Variants in ENTPD1 observed in about 807,000 individuals in gnomAD.
ENTPD1 encodes ectonucleoside triphosphate diphosphohydrolase 1.
ENTPD1 carries 33 observed loss-of-function variants against 57.0 expected under a neutral mutation model. That is an observed-to-expected ratio of 0.58 (90% CI 0.44 to 0.77). ENTPD1 has a LOEUF of 0.77. Among genes scored for constraint, ENTPD1 ranks in the 30% least tolerant of loss-of-function variants. The pLI is 0.00. For synonymous variants in ENTPD1, 202 were observed against 218.8 expected, an observed-to-expected ratio of 0.92 and a Z score of 0.68; for missense variants, 501 against 603.4, an observed-to-expected ratio of 0.83 and a Z score of 1.78.
intron 1 of ENTPD1, among the ~76,000 whole-genome samples, chr10:95,749,601 A>G (rs1473104500): frequency 3.9e-5 from 6 of 152,206 alleles, no homozygotes; most frequent in African/African-American, 1.4e-4. Context: ...ATAGAAGGTA[A>G]TGATTTAGTA....
At chr10:95,799,170 G>T (rs1163927007) in intron 1 of ENTPD1, among the ~76,000 whole-genome samples, 1 of 152,158 alleles carries the variant, frequency 6.6e-6, no homozygotes, top group African/African-American at 2.4e-5. Flanking sequence ...AAGCTCAGGG[G>T]TACATGTGCA....
intron 2 of ENTPD1, among the ~76,000 whole-genome samples, chr10:95,829,505 AC>A (rs1227772304): frequency 3.3e-5 from 5 of 152,242 alleles, no homozygotes; most frequent in Admixed American, 3.3e-4. Context: ...ATAAGGAGAT[AC>A]TGCTGGGGCT....
In ENTPD1 at chr10:95,847,318, C is replaced by T. The variant is rs3181123; in HGVS notation, c.814-128C>T. The T allele has an allele frequency of 0.19, 207,443 of 1,081,116 alleles. 22,517 individuals are homozygous for T. Among genetic ancestry groups the T allele is most frequent in the African/African-American group, 0.36 (23,538 of 65,198 alleles). The allele number at this position is 1,081,116 out of a possible 1,614,324, so 67.0% of individuals were successfully genotyped here. A position where few individuals can be genotyped will look rare whatever the true frequency, so the allele number is the denominator to read the frequency against. ...TATTCCTAAGGGTAAAAAGGCAGGG[C>T]AGGACATATTGATTCCAATACCAAG... is the stretch of plus-strand genomic sequence containing the variant. On this transcript the variant is annotated intron_variant, in intron 6 of 9. Transcript: ENST00000371205.
chr10:95,865,254 TG>T (rs1227572432), intron 9 of ENTPD1, among the ~76,000 whole-genome samples: 2 of 152,190 alleles, frequency 1.3e-5, no homozygotes, highest in East Asian at 1.9e-4. Context: ...TCATCATCCT[TG>T]TTGGTTATTA....
chr10:95,847,331 T>C, intron 6 of ENTPD1, 115 bp from the exon 7 acceptor site: 1 of 1,269,658 alleles, frequency 7.9e-7, no homozygotes, highest in Admixed American at 1.7e-5. Flanking sequence ...GACATATTGA[T>C]TCCAATACCA....
chr10:95,803,999 G>C (rs2098261684), intron 1 of ENTPD1, among the ~76,000 whole-genome samples: 1 of 152,204 alleles, frequency 6.6e-6, no homozygotes, highest in Non-Finnish European at 1.5e-5. Context: ...GTTTGTCAAA[G>C]ATCAGGTGAT....
intron 3 of ENTPD1, among the ~76,000 whole-genome samples, chr10:95,841,156 G>C (rs928721428): frequency 4.6e-5 from 7 of 152,154 alleles, no homozygotes; most frequent in African/African-American, 1.7e-4. Context: ...GGAGGCTGAG[G>C]TGGGCGGATC....
chr10:95,863,698 G>A (rs954223120), intron 8 of ENTPD1, among the ~76,000 whole-genome samples: 12 of 152,210 alleles, frequency 7.9e-5, no homozygotes, highest in South Asian at 6.2e-4. Context: ...TATGGGTTAG[G>A]ACCCACGGAA....
At chr10:95,705,835 A>C in the ENTPD1 span, among the ~76,000 whole-genome samples, 1 of 152,220 alleles carries the variant, frequency 6.6e-6, no homozygotes, top group African/African-American at 2.4e-5. Context: ...TTGGCCAGGC[A>C]TGGTGGCTCA....
chr10:95,849,903 T>G (rs1281567712), intron 7 of ENTPD1, among the ~76,000 whole-genome samples: 2 of 152,270 alleles, frequency 1.3e-5, no homozygotes, highest in African/African-American at 4.8e-5. Flanking sequence ...AGGGCCTTTT[T>G]CATTCCAGTC....
chr10:95,818,098 A>G (rs1028480033), intron 1 of ENTPD1, among the ~76,000 whole-genome samples: 2 of 152,216 alleles, frequency 1.3e-5, no homozygotes, highest in South Asian at 4.1e-4. Context: ...ATAGCTTCCA[A>G]CTGAGCTTGA....
chr10:95,749,288 G>A (rs1046294606), intron 1 of ENTPD1, among the ~76,000 whole-genome samples: 4 of 152,186 alleles, frequency 2.6e-5, no homozygotes, highest in African/African-American at 9.7e-5. Flanking sequence ...CGTTCTAAAG[G>A]TGAACAGTGA....
At chr10:95,824,941 T>C (rs1298884928) in intron 2 of ENTPD1, among the ~76,000 whole-genome samples, 2 of 152,240 alleles carry the variant, frequency 1.3e-5, no homozygotes, top group African/African-American at 2.4e-5. Flanking sequence ...TATACAAAGA[T>C]AGTTTTATAT....
At chr10:95,756,912 A>G (rs1423119721) in intron 1 of ENTPD1, among the ~76,000 whole-genome samples, 1 of 152,196 alleles carries the variant, frequency 6.6e-6, no homozygotes, top group Non-Finnish European at 1.5e-5. Flanking sequence ...ACATCTGACT[A>G]CATTTAGATT....
intron 7 of ENTPD1, among the ~76,000 whole-genome samples, chr10:95,848,853 G>A (rs1427158177): frequency 2.6e-5 from 4 of 152,130 alleles, no homozygotes; most frequent in African/African-American, 7.2e-5. Context: ...CTGAGGAGTC[G>A]TTTTTGAGGA....
intron 1 of ENTPD1, among the ~76,000 whole-genome samples, chr10:95,757,078 G>C (rs1026053770): frequency 6.6e-6 from 1 of 152,166 alleles, no homozygotes; most frequent in African/African-American, 2.4e-5. Flanking sequence ...GGAGTATAGG[G>C]TTGTAAACCT....
chr10:95,706,556 C>T, the ENTPD1 span, among the ~76,000 whole-genome samples: 77 of 152,266 alleles, frequency 5.1e-4, no homozygotes, highest in Admixed American at 1.3e-3. Context: ...GAGGGTGGCT[C>T]TTCTCTGCAG....
At chr10:95,780,187 T>C (rs1273331957) in intron 1 of ENTPD1, among the ~76,000 whole-genome samples, 1 of 152,206 alleles carries the variant, frequency 6.6e-6, no homozygotes, top group African/African-American at 2.4e-5. Flanking sequence ...TAGGTTGAGG[T>C]GATGATATTG....
chr10:95,756,570 C>G (rs1463562900), intron 1 of ENTPD1: 5 of 357,984 alleles, frequency 1.4e-5, no homozygotes, highest in Admixed American at 4.2e-5. Flanking sequence ...GTTTAAGAGG[C>G]AGCTGCCTCA....
Sources: gnomAD v4.1 joint callset for allele counts (sites outside exome capture counted in the v4.1 genomes callset) on GRCh38, gnomAD v4.1.1 for gene constraint, MANE v1.5 for transcripts, NCBI Gene and HGNC (gene_info 2026-07-23, HGNC 2026-07-21) for gene names.